Variants in STK31 observed in about 807,000 individuals in gnomAD.
STK31 encodes serine/threonine kinase 31, also known as serine/threonine-protein kinase 31.
Under a neutral mutation model 129.7 loss-of-function variants are expected in STK31, and 89 were observed. That is an observed-to-expected ratio of 0.69 (90% confidence interval 0.58 to 0.82). STK31 has a LOEUF of 0.82. Among genes scored for constraint, STK31 ranks in the 40% least tolerant of loss-of-function variants. STK31 has a pLI of 0.00. For synonymous variants in STK31, 448 were observed against 395.3 expected, an observed-to-expected ratio of 1.13 and a Z score of -1.58; for missense variants, 1,187 against 1,176.4, an observed-to-expected ratio of 1.01 and a Z score of -0.13.
chr7:23,822,454 GA>G (rs1793840299), intron 23 of STK31, among the ~76,000 whole-genome samples: 2 of 152,012 alleles, frequency 1.3e-5, no homozygotes, highest in Admixed American at 1.3e-4. Flanking sequence ...TTGGTTTATA[GA>G]AATGCTACTG....
intron 4 of STK31, 83 bp downstream of exon 4, chr7:23,717,662 G>T: frequency 1.9e-6 from 2 of 1,068,998 alleles, no homozygotes; most frequent in South Asian, 1.6e-5. Flanking sequence ...TGGAGTTCCT[G>T]GTATATTTGA....
At chr7:23,726,681 A>G (rs1787104826) in intron 4 of STK31, among the ~76,000 whole-genome samples, 1 of 152,064 alleles carries the variant, frequency 6.6e-6, no homozygotes, top group Admixed American at 6.5e-5. Flanking sequence ...CTTTTATTAA[A>G]CATCATTCAA....
chr7:23,831,693 G>A (rs1275488319), intron 23 of STK31, among the ~76,000 whole-genome samples: 4 of 150,598 alleles, frequency 2.7e-5, no homozygotes, highest in African/African-American at 4.8e-5. Flanking sequence ...GTTTTCTGTC[G>A]TGGTAACACT....
intron 6 of STK31, among the ~76,000 whole-genome samples, chr7:23,734,062 AC>A (rs1281445921): frequency 1.3e-5 from 2 of 150,612 alleles, no homozygotes; most frequent in Non-Finnish European, 3.0e-5. Flanking sequence ...ACTTCCCCAC[AC>A]CCCCTATTTC....
intron 16 of STK31, 109 bp downstream of exon 16, chr7:23,781,629 A>G: frequency 2.8e-6 from 2 of 715,350 alleles, no homozygotes; most frequent in Admixed American, 3.2e-5. Context: ...GGTATTATAT[A>G]GAAAGTTTAT....
intron 22 of STK31, among the ~76,000 whole-genome samples, chr7:23,802,448 A>G (rs1228496456): frequency 6.6e-6 from 1 of 152,172 alleles, no homozygotes; most frequent in Non-Finnish European, 1.5e-5. Context: ...GGGCTTAGAA[A>G]TGTAAAGAGG....
chr7:23,754,563 T>C, intron 10 of STK31, 89 bp downstream of exon 10: 1 of 1,413,384 alleles, frequency 7.1e-7, no homozygotes, highest in Non-Finnish European at 9.6e-7. Flanking sequence ...AATAACAGGA[T>C]ACATGTGCAG....
At chr7:23,710,665 T>TA (rs976783990) in intron 1 of STK31, 3 of 1,133,034 alleles carry the variant, frequency 2.6e-6, no homozygotes, top group Non-Finnish European at 3.3e-6. Context: ...GAGCTACGTG[T>TA]ACCCGTTTCT....
intron 4 of STK31, chr7:23,721,708 CT>C: frequency 1.3e-6 from 1 of 793,128 alleles, no homozygotes; most frequent in Non-Finnish European, 2.3e-6. Context: ...CATTATCATT[CT>C]TACTTGGCTG....
chr7:23,760,789 G>A (rs1380998453), intron 10 of STK31, among the ~76,000 whole-genome samples: 1 of 127,198 alleles, frequency 7.9e-6, no homozygotes, highest in Non-Finnish European at 1.7e-5. Context: ...TTCCCAAGTA[G>A]CTAGGACTAC....
At chr7:23,716,455 T>C (rs146574624) in intron 3 of STK31, among the ~76,000 whole-genome samples, 11 of 152,166 alleles carry the variant, frequency 7.2e-5, no homozygotes, top group African/African-American at 2.2e-4. Flanking sequence ...AGGAGACTTA[T>C]TGTGGCTGTC....
At chr7:23,722,962 C>G (rs1786815807) in intron 4 of STK31, 1 of 152,116 alleles carries the variant, frequency 6.6e-6, no homozygotes, top group Non-Finnish European at 1.5e-5. Flanking sequence ...GAGAGTGTCC[C>G]GAATTTCCCG....
intron 22 of STK31, among the ~76,000 whole-genome samples, chr7:23,801,399 A>G (rs528656575): frequency 6.6e-6 from 1 of 151,700 alleles, no homozygotes; most frequent in South Asian, 2.1e-4. Flanking sequence ...TTTTTGTTTT[A>G]TTGCTGTAGA....
At position 23,760,363 on chromosome 7, in the gene STK31, A is replaced by G. The variant is rs548210594; in HGVS notation, c.1294-2438A>G. 5.9e-5 allele frequency among the ~76,000 whole-genome samples: 9 copies of G among 152,340 alleles called. 2 individuals carry two copies. The highest frequency in any genetic ancestry group is 1.9e-4 in the African/African-American group (8 of 41,582). Reference sequence around the variant, plus strand: ...TGACTGCCTCTGAATGAGAAGTATGAGCAGGATAACTAGGCTTTTGAAAAT... The same window carrying G: ...TGACTGCCTCTGAATGAGAAGTATGGGCAGGATAACTAGGCTTTTGAAAAT... On this transcript the variant is annotated intron_variant, in intron 10 of 23. Coordinates refer to ENST00000355870, the MANE Select transcript of STK31 (RefSeq NM_031414.5).
At chr7:23,809,886 G>A (rs1397929577) in intron 22 of STK31, among the ~76,000 whole-genome samples, 1 of 152,152 alleles carries the variant, frequency 6.6e-6, no homozygotes, top group Non-Finnish European at 1.5e-5. Context: ...GTTTGTGTAA[G>A]TACATTTGTT....
intron 23 of STK31, among the ~76,000 whole-genome samples, chr7:23,817,194 A>AT (rs1562629277): frequency 3.3e-5 from 5 of 152,018 alleles, no homozygotes; most frequent in South Asian, 2.1e-4. Flanking sequence ...TCTCAAAAAA[A>AT]AAAAAATAAT....
intron 5 of STK31, chr7:23,727,743 G>T (rs559408877): frequency 5.9e-6 from 1 of 168,688 alleles, no homozygotes; most frequent in East Asian, 1.8e-4. Flanking sequence ...TGTATTTTTA[G>T]TAGAGACGGG....
chr7:23,737,116 G>A, intron 8 of STK31, 38 bp downstream of exon 8: 2 of 1,514,494 alleles, frequency 1.3e-6, no homozygotes, highest in Non-Finnish European at 1.8e-6. Context: ...TGTCCAACTG[G>A]GAAATCTGTG....
At chr7:23,720,986 A>G (rs966143133) in intron 4 of STK31, among the ~76,000 whole-genome samples, 1 of 152,238 alleles carries the variant, frequency 6.6e-6, no homozygotes, top group African/African-American at 2.4e-5. Flanking sequence ...TAAACCTTAT[A>G]TAAAATTAAA....
Sources: allele counts gnomAD v4.1 joint callset (sites outside exome capture counted in the v4.1 genomes callset), GRCh38; gene constraint gnomAD v4.1.1; transcripts MANE v1.5; gene names NCBI Gene and HGNC (gene_info 2026-07-23, HGNC 2026-07-21).